GLI4: variants seen among roughly 807,000 people sequenced by gnomAD.
The protein encoded by GLI4 is GLI family zinc finger 4.
Under a neutral mutation model 30.9 loss-of-function variants are expected in GLI4, and 34 were observed. The ratio of observed to expected loss-of-function variants is 1.10; its 90% CI spans 0.84 to 1.47. GLI4 has a LOEUF of 1.47. Among genes scored for constraint, GLI4 ranks in the 40% most tolerant of loss-of-function variants. The pLI is 0.00. For synonymous variants in GLI4, 277 were observed against 236.7 expected, an observed-to-expected ratio of 1.17 and a Z score of -1.56; for missense variants, 696 against 538.9, an observed-to-expected ratio of 1.29 and a Z score of -2.89.
rs59055711 is a variant in GLI4, at chr8:143,275,491, T to C, written c.224-406T>C. 12,015 of 1,315,842 alleles carry C rather than the reference T, an allele frequency of 9.1e-3. 835 individuals are homozygous for C. The African/African-American group carries it at 0.15, about 17-fold the overall frequency. The allele number at this position is 1,315,842 out of a possible 1,614,324, so 81.5% of individuals were successfully genotyped here. ...AGCCCCATGAGGAGCTGTGCCCATA[T>C]GGACCACATCCTCGGCAAGGGCTTT... On this transcript the variant is annotated intron_variant, in intron 3 of 3. Coordinates refer to ENST00000340042, the MANE Select transcript of GLI4 (RefSeq NM_138465.4).
At chr8:143,273,044 T>C (rs1586727951) in intron 2 of GLI4, 1 of 152,276 alleles carries the variant, frequency 6.6e-6, no homozygotes, top group East Asian at 1.9e-4. Flanking sequence ...TGCCAGGGCA[T>C]GGCCCCAGGA....
At chr8:143,275,830 TC>T in intron 3 of GLI4, 66 bp from the exon 4 acceptor site, 1 of 1,251,976 alleles carries the variant, frequency 8.0e-7, no homozygotes, top group Non-Finnish European at 1.0e-6. Context: ...TCACTCCCCG[TC>T]CCCGTCCCTC....
chr8:143,276,696 C>A lies in GLI4; in HGVS notation c.1023C>A (p.His341Gln). 1 of 1,611,502 alleles carries A rather than the reference C, an allele frequency of 6.2e-7. No individual in the cohort carries two copies. The highest frequency in any genetic ancestry group is 8.5e-7 in the Non-Finnish European group (1 of 1,179,330). The part of the protein sequence containing the change: ...AFRGRSHFFR[H>Q]LRTHTGEKPF... ...GCGGCCGCTCGCACTTCTTCCGGCA[C>A]CTGCGGACCCACACGGGCGAGAAGC... The change falls in exon 4 of 4, where the codon CAC becomes CAA. Residue 341 changes from histidine to glutamine, a missense_variant. Coordinates refer to ENST00000340042, the MANE Select transcript of GLI4 (RefSeq NM_138465.4).
intron 2 of GLI4, among the ~76,000 whole-genome samples, chr8:143,270,451 C>T (rs1194238211): frequency 2.0e-5 from 3 of 152,202 alleles, no homozygotes; most frequent in Non-Finnish European, 4.4e-5. Context: ...GCTGCGGTGT[C>T]CCGAGCAACT....
chr8:143,273,924 A>G (rs1488448261), intron 2 of GLI4, among the ~76,000 whole-genome samples: 2 of 151,912 alleles, frequency 1.3e-5, no homozygotes, highest in African/African-American at 4.8e-5. Flanking sequence ...GAGACCCCCA[A>G]AGGGGCCTGG....
chr8:143,276,799 G>A lies in GLI4; in HGVS notation c.1126G>A (p.Glu376Lys), dbSNP rs776317880. 6.4e-7 allele frequency: 1 copy of A among 1,557,186 alleles called. No homozygotes were observed. The highest frequency in any genetic ancestry group is 1.4e-5 in the African/African-American group (1 of 73,732). ...LIQHQRVHYR[E>K] ...CCAGCACCAGCGGGTGCACTACCGCGAGTAGCCGGGCGGGGGCTCGGGGCT... is the reference window on the plus strand; with the variant it reads ...CCAGCACCAGCGGGTGCACTACCGCAAGTAGCCGGGCGGGGGCTCGGGGCT... Residue 376 changes from glutamate (E) to lysine (K), a missense_variant, in exon 4 of 4, where the codon GAG becomes AAG. Glu to Lys is a moderately conservative substitution (Grantham distance 56, BLOSUM62 1). Transcript: ENST00000340042.
chr8:143,267,471 C>T lies in GLI4; in HGVS notation c.-51C>T, dbSNP rs890041372. ...CTTCCGTCCGGCGCGCGGCGTCCTC[C>T]TCCCGCTCGGAAGGTGAGTGGGCGC... On this transcript the variant is annotated 5_prime_UTR_variant, in exon 1 of 4. Transcript: ENST00000340042. 265 of 985,920 alleles carry T rather than the reference C, an allele frequency of 2.7e-4. No individual in the cohort carries two copies. Among genetic ancestry groups the T allele is most frequent in the Non-Finnish European group, 3.1e-4 (257 of 830,294 alleles). 61.1% of individuals were successfully genotyped at this position (985,920 alleles called of 1,614,324 possible). A position where few individuals can be genotyped will look rare whatever the true frequency, so the allele number is the denominator to read the frequency against.
At position 143,267,491 on chromosome 8, in the gene GLI4, G is replaced by T; in HGVS notation, c.-38+7G>T. The T allele has an allele frequency of 7.1e-6, 7 of 986,018 alleles. No homozygotes were observed. The highest frequency in any genetic ancestry group is 4.6e-5 in the South Asian group (1 of 21,696). 61.1% of individuals were successfully genotyped at this position (986,018 alleles called of 1,614,324 possible). On this transcript the variant is annotated splice_region_variant and intron_variant, in intron 1 of 3. Coordinates refer to ENST00000340042, the MANE Select transcript of GLI4 (RefSeq NM_138465.4). ...TCCTCCTCCCGCTCGGAAGGTGAGTGGGCGCGGGCGGCGGCGGCGGCTCCG... is the reference window on the plus strand; with the variant it reads ...TCCTCCTCCCGCTCGGAAGGTGAGTTGGCGCGGGCGGCGGCGGCGGCTCCG...
chr8:143,267,638 G>C (rs1815165782), intron 1 of GLI4, 154 bp downstream of exon 1: 1 of 985,234 alleles, frequency 1.0e-6, no homozygotes, highest in African/African-American at 1.7e-5. Flanking sequence ...GGCCAAGCCC[G>C]GGGAGCGGGG....
At chr8:143,274,862 C>T (rs1298387704) in intron 3 of GLI4, 60 bp downstream of exon 3, 2 of 1,513,982 alleles carry the variant, frequency 1.3e-6, no homozygotes. Flanking sequence ...AGGCTCCTCA[C>T]AATGCCCACC....
Position 143,276,086 on chromosome 8 carries a change from A to G in GLI4, c.413A>G (p.Gln138Arg). The G allele has an allele frequency of 7.1e-7, 1 of 1,407,630 alleles. No homozygotes were observed. Among genetic ancestry groups the G allele is most frequent in the Admixed American group, 3.6e-5 (1 of 27,594 alleles). 87.2% of individuals were successfully genotyped at this position (1,407,630 alleles called of 1,614,324 possible). The change falls in exon 4 of 4, where the codon CAG (glutamine) becomes CGG (arginine). Residue 138 changes from glutamine to arginine, a missense_variant. Coordinates refer to ENST00000340042, the MANE Select transcript of GLI4 (RefSeq NM_138465.4). ...CCGCCTGGGGCCGTCCCTTGCGCCC[A>G]GCCGCGGGGCGCCTGGCGCGTGACG... ...GQPPGAVPCA[Q>R]PRGAWRVTLV...
chr8:143,272,979 G>T (rs1256215328), intron 2 of GLI4: 1 of 152,222 alleles, frequency 6.6e-6, no homozygotes, highest in Non-Finnish European at 1.5e-5. Flanking sequence ...TTCCTATCTT[G>T]GTAATGTCAC....
chr8:143,273,700 A>C (rs192862146), intron 2 of GLI4, among the ~76,000 whole-genome samples: 7 of 152,024 alleles, frequency 4.6e-5, no homozygotes, highest in Non-Finnish European at 1.0e-4. Context: ...GCCTCTGCCC[A>C]CCCCAGCCCT....
chr8:143,276,255 T>C lies in GLI4; in HGVS notation c.582T>C (p.Tyr194=). 1 of 1,611,206 alleles carries C rather than the reference T, an allele frequency of 6.2e-7. No homozygotes were observed. Among genetic ancestry groups the C allele is most frequent in the Non-Finnish European group, 8.5e-7 (1 of 1,179,122 alleles). Residue 194 remains tyrosine (Y), a synonymous_variant, in exon 4 of 4, where the codon TAT becomes TAC. Coordinates refer to ENST00000340042, the MANE Select transcript of GLI4 (RefSeq NM_138465.4). The part of the protein sequence containing the change: ...RCEACGKSFK[Y]NSLLLKHQRI... ...AGGCCTGCGGCAAGAGTTTCAAGTA[T>C]AACTCGCTGCTCCTGAAGCACCAGC...
At chr8:143,270,995 T>C (rs1449052427) in intron 2 of GLI4, among the ~76,000 whole-genome samples, 2 of 151,704 alleles carry the variant, frequency 1.3e-5, no homozygotes, top group Admixed American at 1.3e-4. Flanking sequence ...CCCCCAGCCC[T>C]GTCTCCACCA....
At chr8:143,273,754 C>A (rs1815320458) in intron 2 of GLI4, among the ~76,000 whole-genome samples, 1 of 152,248 alleles carries the variant, frequency 6.6e-6, no homozygotes, top group Non-Finnish European at 1.5e-5. Flanking sequence ...GCTGGGGACA[C>A]CCAGATTCGG....
chr8:143,276,489 C>T lies in GLI4; in HGVS notation c.816C>T (p.Cys272=), dbSNP rs201405002. The change falls in exon 4 of 4, where the codon TGC becomes TGT. Residue 272 remains cysteine (C), a synonymous_variant. Coordinates refer to ENST00000340042, the MANE Select transcript of GLI4 (RefSeq NM_138465.4). The stretch of plus-strand genomic sequence containing the variant: ...AGAAGCCCTACAAGTGCGGCGAGTG[C>T]GGCCAGGCCTTCAGCCAGAGCTCCA... ...NGEKPYKCGE[C]GQAFSQSSNL... is the part of the protein sequence containing the mutation. 1.8e-5 allele frequency: 29 copies of T among 1,613,086 alleles called. No individual in the cohort carries two copies. Among genetic ancestry groups the T allele is most frequent in the Non-Finnish European group, 2.5e-5 (29 of 1,179,842 alleles).
chr8:143,267,612 C>T, intron 1 of GLI4, 128 bp downstream of exon 1: 2 of 985,430 alleles, frequency 2.0e-6, no homozygotes, highest in South Asian at 4.7e-5. Context: ...CGCCGCTCGC[C>T]GTGACCTTGG....
intron 1 of GLI4, 126 bp downstream of exon 1, chr8:143,267,610 G>T (rs977750819): frequency 4.1e-6 from 4 of 985,386 alleles, no homozygotes; most frequent in Middle Eastern, 5.2e-4. Flanking sequence ...GCCGCCGCTC[G>T]CCGTGACCTT....
Sources: gnomAD v4.1 joint callset for allele counts (sites outside exome capture counted in the v4.1 genomes callset) on GRCh38, gnomAD v4.1.1 for gene constraint, MANE v1.5 for transcripts, NCBI Gene and HGNC (gene_info 2026-07-23, HGNC 2026-07-21) for gene names.